RAPGEF2: variants seen among roughly 807,000 people sequenced by gnomAD.
RAPGEF2 encodes the protein PDZ domain containing guanine nucleotide exchange factor (GEF) 1.
In RAPGEF2, 54 loss-of-function variants were observed where a neutral mutation model predicts 186.7. The observed-to-expected ratio is 0.29, with a 90% CI of 0.23 to 0.36. The LOEUF is 0.36. Among genes scored for constraint, RAPGEF2 ranks in the 10% least tolerant of loss-of-function variants. RAPGEF2 has a pLI of 1.00. For synonymous variants in RAPGEF2, 712 were observed against 705.9 expected (o/e 1.01, Z -0.14); for missense variants, 1,532 against 2,045.0 (o/e 0.75, Z 4.84).
At chr4:159,292,648 G>C (rs545444419) in intron 7 of RAPGEF2, among the ~76,000 whole-genome samples, 1 of 152,186 alleles carries the variant, frequency 6.6e-6, no homozygotes, top group East Asian at 1.9e-4. Flanking sequence ...TAAATTTCAA[G>C]AGAAGTATTT....
chr4:159,312,666 A>G (rs1464984869), intron 8 of RAPGEF2, among the ~76,000 whole-genome samples: 1 of 152,200 alleles, frequency 6.6e-6, no homozygotes, highest in Non-Finnish European at 1.5e-5. Context: ...TCTGTCTTCA[A>G]TTATTTTCCC....
chr4:159,322,470 A>G lies in RAPGEF2; in HGVS notation c.977A>G (p.Asn326Ser), dbSNP rs1353189879. The G allele has an allele frequency of 6.2e-7, 1 of 1,613,756 alleles. No homozygotes were observed. The highest frequency in any genetic ancestry group is 8.5e-7 in the Non-Finnish European group (1 of 1,179,742). The change falls in exon 10 of 30, where the codon AAT becomes AGT. Residue 326 changes from asparagine to serine, a missense_variant. Asn to Ser is a conservative substitution (Grantham distance 46). Transcript: ENST00000691494. Reference sequence around the variant, plus strand: ...GAAAGAGCAGGGACCATAGTGTTAAATGATGGTGAAGAGGTGAGTAACTAT... The same window carrying G: ...GAAAGAGCAGGGACCATAGTGTTAAGTGATGGTGAAGAGGTGAGTAACTAT... ...VVERAGTIVL[N>S]DGEELDSWSV...
At chr4:159,326,497 T>C (rs1420761428) in intron 11 of RAPGEF2, among the ~76,000 whole-genome samples, 1 of 152,220 alleles carries the variant, frequency 6.6e-6, no homozygotes, top group African/African-American at 2.4e-5. Flanking sequence ...AGTAAGATGG[T>C]TGAGCTCATG....
At chr4:159,186,061 A>T (rs1176696091) in intron 1 of RAPGEF2, among the ~76,000 whole-genome samples, 1 of 152,046 alleles carries the variant, frequency 6.6e-6, no homozygotes, top group Non-Finnish European at 1.5e-5. Flanking sequence ...ACTTTCATAA[A>T]TAACTTTGAG....
intron 3 of RAPGEF2, among the ~76,000 whole-genome samples, chr4:159,208,047 C>A (rs559615052): frequency 4.3e-4 from 66 of 152,288 alleles, no homozygotes; most frequent in African/African-American, 1.3e-3. Flanking sequence ...GTTCTGCATT[C>A]AAACTGAACT....
chr4:159,166,892 C>T (rs1745379049), intron 1 of RAPGEF2, among the ~76,000 whole-genome samples: 1 of 152,090 alleles, frequency 6.6e-6, no homozygotes, highest in Non-Finnish European at 1.5e-5. Flanking sequence ...TGTGGGCAAA[C>T]ACTGGAATAG....
chr4:159,164,826 G>T (rs1433631033), intron 1 of RAPGEF2, among the ~76,000 whole-genome samples: 1 of 152,138 alleles, frequency 6.6e-6, no homozygotes, highest in East Asian at 1.9e-4. Context: ...AAAACTGACT[G>T]CTAGGATCAT....
intron 1 of RAPGEF2, among the ~76,000 whole-genome samples, chr4:159,183,984 G>A (rs1248379092): frequency 5.3e-5 from 8 of 152,242 alleles, no homozygotes; most frequent in South Asian, 4.1e-4. Flanking sequence ...GAGTGAGAAC[G>A]TGTGGTGTTT....
chr4:159,345,443 C>A, intron 24 of RAPGEF2, 114 bp downstream of exon 24: 2 of 874,462 alleles, frequency 2.3e-6, no homozygotes, highest in Non-Finnish European at 3.6e-6. Flanking sequence ...AGCTAGCAAT[C>A]CTGAGATATA....
chr4:159,324,946 T>G (rs1765726742), intron 11 of RAPGEF2, among the ~76,000 whole-genome samples: 1 of 152,164 alleles, frequency 6.6e-6, no homozygotes, highest in African/African-American at 2.4e-5. Context: ...AAACTAATTG[T>G]CAGTTGTATT....
rs951073416 is a variant in RAPGEF2, at chr4:159,240,994, G to A, written c.358-207G>A. 177 of 459,848 alleles carry A rather than the reference G, an allele frequency of 3.8e-4. No homozygotes were observed. The East Asian group carries it at 5.5e-3, about 14-fold the overall frequency. The allele number at this position is 459,848 out of a possible 1,614,324, so 28.5% of individuals were successfully genotyped here. Reference sequence around the variant, plus strand: ...TACCCATATTGTCCTAAGTGGAACTGAAAATGCCTCCTCATAAAAGAAATG... The same window carrying A: ...TACCCATATTGTCCTAAGTGGAACTAAAAATGCCTCCTCATAAAAGAAATG... On this transcript the variant is annotated intron_variant, in intron 5 of 29. Coordinates refer to ENST00000691494, the MANE Select transcript of RAPGEF2 (RefSeq NM_001394067.2).
At chr4:159,300,290 T>C (rs576708303) in intron 7 of RAPGEF2, among the ~76,000 whole-genome samples, 3 of 152,010 alleles carry the variant, frequency 2.0e-5, no homozygotes, top group African/African-American at 7.2e-5. Flanking sequence ...TTGTTTCTTA[T>C]ATATTTAGCA....
At chr4:159,288,827 C>A (rs538322749) in intron 7 of RAPGEF2, among the ~76,000 whole-genome samples, 3 of 152,304 alleles carry the variant, frequency 2.0e-5, no homozygotes, top group African/African-American at 7.2e-5. Flanking sequence ...TTTATCCCAC[C>A]TGAAGGTCTT....
At chr4:159,314,794 T>A (rs1286363340) in intron 9 of RAPGEF2, 26 bp downstream of exon 9, 2 of 1,550,432 alleles carry the variant, frequency 1.3e-6, no homozygotes, top group Non-Finnish European at 1.7e-6. Flanking sequence ...AAAATGAATC[T>A]ACGAGCAATT....
Position 159,195,894 on chromosome 4 carries a change from T to G in RAPGEF2, c.197+2638T>G, listed in dbSNP as rs1561071320. On this transcript the variant is annotated intron_variant, in intron 3 of 29. Transcript: ENST00000691494. The stretch of plus-strand genomic sequence containing the variant: ...ATACCTGTTTTTTTTTTTTTTTTTT[T>G]TTTTTTTTTTCCCCAAGTAGGCTTA... 7.2e-4 allele frequency among the ~76,000 whole-genome samples: 107 copies of G among 147,728 alleles called. No individual in the cohort carries two copies. In the Middle Eastern group the frequency reaches 0.021, roughly 29 times the overall value.
At chr4:159,254,319 G>A (rs1026999430) in intron 7 of RAPGEF2, among the ~76,000 whole-genome samples, 1 of 152,172 alleles carries the variant, frequency 6.6e-6, no homozygotes, top group Admixed American at 6.5e-5. Context: ...CTTGAGCGCA[G>A]TGAAAAAAGC....
intron 1 of RAPGEF2, among the ~76,000 whole-genome samples, chr4:159,164,117 G>C (rs1176372334): frequency 6.6e-6 from 1 of 151,734 alleles, no homozygotes; most frequent in African/African-American, 2.4e-5. Context: ...CCATTCTCCT[G>C]CCTCAGCCTC....
chr4:159,325,350 CAA>C (rs1394089188), intron 11 of RAPGEF2, among the ~76,000 whole-genome samples: 2 of 151,936 alleles, frequency 1.3e-5, no homozygotes, highest in Non-Finnish European at 2.9e-5. Context: ...TAGAGGAAAA[CAA>C]ATGGTAAATA....
intron 1 of RAPGEF2, among the ~76,000 whole-genome samples, chr4:159,121,193 G>C (rs1739640139): frequency 6.6e-6 from 1 of 152,002 alleles, no homozygotes; most frequent in South Asian, 2.1e-4. Flanking sequence ...CACAGAATTG[G>C]AGCTGATAAA....
Sources: gnomAD v4.1 joint callset for allele counts (sites outside exome capture counted in the v4.1 genomes callset) on GRCh38, gnomAD v4.1.1 for gene constraint, MANE v1.5 for transcripts, NCBI Gene and HGNC (gene_info 2026-07-23, HGNC 2026-07-21) for gene names.